Variants in GABRB1 observed in about 807,000 individuals in gnomAD.
GABRB1 encodes the protein gamma-aminobutyric acid type A receptor subunit beta1.
In GABRB1, 17 loss-of-function variants were observed where a neutral mutation model predicts 51.6. The observed-to-expected ratio is 0.33, with a 90% confidence interval of 0.23 to 0.49. The LOEUF (loss-of-function observed/expected upper bound fraction) is 0.49, where lower values mean the gene tolerates loss of function less well. Ranked by LOEUF, GABRB1 falls within the 20% of genes least tolerant of loss-of-function variation. GABRB1 has a pLI of 0.99. For synonymous variants in GABRB1, 247 were observed against 218.9 expected, an observed-to-expected ratio of 1.13 and a Z score of -1.14; for missense variants, 410 against 600.6, an observed-to-expected ratio of 0.68 and a Z score of 3.32.
intron 5 of GABRB1, among the ~76,000 whole-genome samples, chr4:47,341,525 T>C (rs1725898504): frequency 6.6e-6 from 1 of 152,202 alleles, no homozygotes; most frequent in Non-Finnish European, 1.5e-5. Flanking sequence ...ATTGTCTAGT[T>C]AGTTAATGAA....
chr4:47,335,806 A>G (rs1260216880), intron 5 of GABRB1, among the ~76,000 whole-genome samples: 1 of 152,190 alleles, frequency 6.6e-6, no homozygotes, highest in Non-Finnish European at 1.5e-5. Flanking sequence ...TGAATCTCAG[A>G]TACCATGTTC....
chr4:47,399,007 G>C (rs988545996), intron 5 of GABRB1, among the ~76,000 whole-genome samples: 2 of 152,188 alleles, frequency 1.3e-5, no homozygotes, highest in Non-Finnish European at 2.9e-5. Flanking sequence ...AGCCAGGATG[G>C]TCTCAATCTC....
At position 47,164,172 on chromosome 4, in the gene GABRB1, G is replaced by A. The variant is rs946365116; in HGVS notation, c.461+2703G>A. 4.6e-5 allele frequency among the ~76,000 whole-genome samples: 7 copies of A among 152,010 alleles called. No individual in the cohort carries two copies. The South Asian group carries it at 6.2e-4, about 14-fold the overall frequency. ...CACCGGGCCCTCCCTTGACACCTGG[G>A]GATTACAATTTGGATTACAATTCAA... On this transcript the variant is annotated intron_variant, in intron 4 of 8. Coordinates refer to ENST00000295454, the MANE Select transcript of GABRB1 (RefSeq NM_000812.4).
intron 4 of GABRB1, among the ~76,000 whole-genome samples, chr4:47,218,832 A>G (rs547500123): frequency 6.6e-6 from 1 of 151,990 alleles, no homozygotes; most frequent in South Asian, 2.1e-4. Flanking sequence ...TCTAATGCAG[A>G]TGCCAAAAGC....
chr4:47,006,773 A>G (rs767120371), intron 1 of GABRB1, among the ~76,000 whole-genome samples: 24 of 152,230 alleles, frequency 1.6e-4, no homozygotes, highest in Non-Finnish European at 4.4e-5. Context: ...TATTTAAATA[A>G]TTGCATTATA....
intron 3 of GABRB1, among the ~76,000 whole-genome samples, chr4:47,058,945 G>A (rs1241963602): frequency 1.3e-5 from 2 of 152,312 alleles, no homozygotes; most frequent in East Asian, 1.9e-4. Flanking sequence ...AAGTAAAATG[G>A]TGGTTTATAC....
At chr4:47,223,000 G>C (rs944083700) in intron 4 of GABRB1, among the ~76,000 whole-genome samples, 1 of 152,048 alleles carries the variant, frequency 6.6e-6, no homozygotes, top group African/African-American at 2.4e-5. Context: ...TGCCATCTAA[G>C]CTCCTTTTAA....
upstream of GABRB1, among the ~76,000 whole-genome samples, chr4:47,029,126 A>G (rs1725198892): frequency 6.6e-6 from 1 of 151,798 alleles, no homozygotes; most frequent in Non-Finnish European, 1.5e-5. Flanking sequence ...CCAGTTTTGC[A>G]CTACTAAAAA....
chr4:47,387,045 C>T (rs965415224), intron 5 of GABRB1, among the ~76,000 whole-genome samples: 1 of 152,188 alleles, frequency 6.6e-6, no homozygotes, highest in Non-Finnish European at 1.5e-5. Flanking sequence ...CCAGGGAAAT[C>T]TTACAGGGCT....
intron 3 of GABRB1, among the ~76,000 whole-genome samples, chr4:47,115,762 TA>T (rs5858055): frequency 0.25 from 37,541 of 151,956 alleles, 5,976 homozygotes; most frequent in Middle Eastern, 0.43. Flanking sequence ...AACAGCATGT[TA>T]AAAAAACAGT....
At chr4:47,416,511 C>A (rs1323578036) in intron 8 of GABRB1, among the ~76,000 whole-genome samples, 1 of 149,528 alleles carries the variant, frequency 6.7e-6, no homozygotes, top group Admixed American at 6.7e-5. Flanking sequence ...AGTGCAGTGG[C>A]GCAATCGTGG....
chr4:47,167,454 C>T (rs1456522051), intron 4 of GABRB1, among the ~76,000 whole-genome samples: 1 of 152,046 alleles, frequency 6.6e-6, no homozygotes, highest in African/African-American at 2.4e-5. Flanking sequence ...CTCCTAGCCC[C>T]TACAATTGCT....
chr4:47,030,053 T>C (rs1222236353), upstream of GABRB1, among the ~76,000 whole-genome samples: 1 of 152,184 alleles, frequency 6.6e-6, no homozygotes, highest in South Asian at 2.1e-4. Context: ...AGTTTATTCA[T>C]TTCCATTTAG....
intron 8 of GABRB1, among the ~76,000 whole-genome samples, chr4:47,409,705 C>T (rs1311846873): frequency 2.0e-5 from 3 of 152,212 alleles, no homozygotes; most frequent in Non-Finnish European, 4.4e-5. Context: ...CGGGGAACTA[C>T]CCCCTTCTTT....
rs144875100 is a variant in GABRB1 at position 47,405,995 on chromosome 4, G to A, written c.836-687G>A. 1.0e-3 allele frequency among the ~76,000 whole-genome samples: 154 copies of A among 152,206 alleles called. 5 individuals are homozygous for A. The East Asian group carries it at 0.027, about 27-fold the overall frequency. On this transcript the variant is annotated intron_variant, in intron 7 of 8. Transcript: ENST00000295454. ...TTTAAGAAGTTGTTTTCTGACATCA[G>A]GGAACTAATTCATTCTAGGTTCTGG...
Position 47,319,945 on chromosome 4 carries a change from C to T in GABRB1, c.462-182C>T, listed in dbSNP as rs73133965. On this transcript the variant is annotated intron_variant, in intron 4 of 8. Coordinates refer to ENST00000295454, the MANE Select transcript of GABRB1 (RefSeq NM_000812.4). ...GTTTTTAGAAATTTATCCATTTCCA[C>T]CTGTCCATCTAGATTATCCAATTTG... Among the ~76,000 whole-genome samples the T allele has an allele frequency of 7.4e-3, 1,125 of 152,282 alleles. 16 individuals are homozygous for T. Among genetic ancestry groups the T allele is most frequent in the African/African-American group, 0.026 (1,062 of 41,560 alleles).
chr4:47,350,218 T>TATATATAG (rs750199965), intron 5 of GABRB1, among the ~76,000 whole-genome samples: 113 of 56,628 alleles, frequency 2.0e-3, no homozygotes, highest in East Asian at 2.7e-3. Flanking sequence ...TATATATATA[T>TATATATAG]AGAGAGAGAG....
At chr4:47,052,110 A>T (rs936946180) in intron 3 of GABRB1, among the ~76,000 whole-genome samples, 2 of 152,188 alleles carry the variant, frequency 1.3e-5, no homozygotes, top group African/African-American at 4.8e-5. Context: ...AGCCTGGGTG[A>T]CAGAGTGAGA....
intron 7 of GABRB1, among the ~76,000 whole-genome samples, 179 bp downstream of exon 7, chr4:47,403,890 A>T (rs150700709): frequency 1.3e-3 from 196 of 152,334 alleles, no homozygotes; most frequent in African/African-American, 4.5e-3. Context: ...TCTACAATGT[A>T]CTGTCTTTTT....
Sources: allele counts gnomAD v4.1 joint callset (sites outside exome capture counted in the v4.1 genomes callset), GRCh38; gene constraint gnomAD v4.1.1; transcripts MANE v1.5; gene names NCBI Gene and HGNC (gene_info 2026-07-23, HGNC 2026-07-21).